ZNF704: variants seen among roughly 807,000 people sequenced by gnomAD.
ZNF704 encodes zinc finger protein 704, also known as glucocorticoid induced gene 1.
Under a neutral mutation model 44.7 loss-of-function variants are expected in ZNF704, and 10 were observed. The observed-to-expected ratio is 0.22, with a 90% confidence interval of 0.14 to 0.38. The LOEUF is 0.38. Among genes scored for constraint, ZNF704 ranks in the 10% least tolerant of loss-of-function variants. The pLI is 1.00. For synonymous variants in ZNF704, 211 were observed against 207.6 expected (o/e 1.02, Z -0.14); for missense variants, 390 against 545.5 (o/e 0.71, Z 2.84).
chr8:80,694,320 T>C (rs1818690431), intron 2 of ZNF704: 1 of 152,198 alleles, frequency 6.6e-6, no homozygotes, highest in African/African-American at 2.4e-5. Context: ...TGAATAAAGG[T>C]TCATAAGATT....
chr8:80,852,350 T>C (rs1165884272), intron 1 of ZNF704, among the ~76,000 whole-genome samples: 5 of 152,222 alleles, frequency 3.3e-5, no homozygotes, highest in Admixed American at 1.3e-4. Context: ...TATTAGTATA[T>C]ACATGCCACA....
intron 2 of ZNF704, among the ~76,000 whole-genome samples, chr8:80,778,249 A>T (rs938202406): frequency 1.3e-5 from 2 of 152,174 alleles, no homozygotes; most frequent in South Asian, 2.1e-4. Flanking sequence ...TAAGCATATT[A>T]AAAAAAAGCT....
At chr8:80,727,070 A>C (rs771545262) in intron 2 of ZNF704, among the ~76,000 whole-genome samples, 1 of 152,188 alleles carries the variant, frequency 6.6e-6, no homozygotes, top group Non-Finnish European at 1.5e-5. Context: ...GAGCAGCAAC[A>C]CAATTCCATC....
intron 4 of ZNF704, among the ~76,000 whole-genome samples, chr8:80,681,543 G>C (rs2131626029): frequency 6.6e-6 from 1 of 152,256 alleles, no homozygotes; most frequent in South Asian, 2.1e-4. Flanking sequence ...CTTGGTTAGA[G>C]TGGTGGTTAC....
chr8:80,685,790 A>G (rs1029137521), intron 4 of ZNF704, among the ~76,000 whole-genome samples: 3 of 152,194 alleles, frequency 2.0e-5, no homozygotes, highest in African/African-American at 4.8e-5. Context: ...CCACTGTTAC[A>G]CATGTGGAAT....
chr8:80,659,476 C>A, intron 7 of ZNF704, 109 bp downstream of exon 7: 1 of 856,308 alleles, frequency 1.2e-6, no homozygotes, highest in South Asian at 1.4e-5. Flanking sequence ...TATAGTACTT[C>A]TGGCATTCTG....
intron 1 of ZNF704, among the ~76,000 whole-genome samples, chr8:80,828,792 A>C (rs1808421604): frequency 6.6e-6 from 1 of 152,214 alleles, no homozygotes; most frequent in African/African-American, 2.4e-5. Flanking sequence ...ACTAAAGGAA[A>C]ACTGAAATAC....
intron 2 of ZNF704, among the ~76,000 whole-genome samples, chr8:80,790,360 A>AAGATG (rs1301183935): frequency 6.6e-6 from 1 of 152,110 alleles, no homozygotes; most frequent in Non-Finnish European, 1.5e-5. Flanking sequence ...GGAGAGAAGG[A>AAGATG]AGATGAGTGT....
intron 7 of ZNF704, among the ~76,000 whole-genome samples, chr8:80,657,693 GAA>G (rs796181687): frequency 0.057 from 4,499 of 78,278 alleles, 255 homozygotes; most frequent in African/African-American, 0.15. Flanking sequence ...CCTGTTTCAA[GAA>G]AAAAAAAAAA....
chr8:80,839,820 GC>G (rs1808646172), intron 1 of ZNF704, among the ~76,000 whole-genome samples: 1 of 151,970 alleles, frequency 6.6e-6, no homozygotes, highest in Non-Finnish European at 1.5e-5. Context: ...TGGGCTCTGG[GC>G]TGCTAAGCCA....
intron 2 of ZNF704, among the ~76,000 whole-genome samples, chr8:80,817,750 T>A (rs2129865757): frequency 6.6e-6 from 1 of 152,196 alleles, no homozygotes; most frequent in East Asian, 1.9e-4. Context: ...ATTGTCCCTA[T>A]CTTGAAAAAG....
Position 80,687,476 on chromosome 8 carries a change from C to T in ZNF704, c.326-18G>A, listed in dbSNP as rs770346618. ...GAGGCTCTCTGCATGCACACAAACA[C>T]AGTCAGTGCCAGGACCCCTGCGTGC... is the stretch of plus-strand genomic sequence containing the variant. On this transcript the variant is annotated intron_variant, in intron 3 of 8. Transcript: ENST00000327835. 2.0e-6 allele frequency: 3 copies of T among 1,498,106 alleles called. No homozygotes were observed. Among genetic ancestry groups the T allele is most frequent in the African/African-American group, 1.4e-5 (1 of 72,220 alleles). 92.8% of individuals were successfully genotyped at this position (1,498,106 alleles called of 1,614,324 possible).
At chr8:80,861,842 C>T (rs540558163) in intron 1 of ZNF704, among the ~76,000 whole-genome samples, 2 of 151,838 alleles carry the variant, frequency 1.3e-5, no homozygotes, top group Non-Finnish European at 2.9e-5. Flanking sequence ...TCAAACTTAA[C>T]ATGTTTAAGA....
intron 1 of ZNF704, among the ~76,000 whole-genome samples, chr8:80,862,597 C>CAAAAAAAAAAA (rs10523461): frequency 1.0e-5 from 1 of 100,102 alleles, no homozygotes; most frequent in Non-Finnish European, 2.0e-5. Flanking sequence ...TTGTCTCTAC[C>CAAAAAAAAAAA]AAAAAAAAAA....
rs1817660194 is a variant in ZNF704, at chr8:80,636,115, A to G, written c.*5251T>C. On this transcript the variant is annotated 3_prime_UTR_variant, in exon 9 of 9. Coordinates refer to ENST00000327835, the MANE Select transcript of ZNF704 (RefSeq NM_001033723.3). ...AAGTAGAGTACTGACGCTTATTACCAAAGTGTCATGTCTCTTAGAACTGTA... is the reference window on the plus strand; with the variant it reads ...AAGTAGAGTACTGACGCTTATTACCGAAGTGTCATGTCTCTTAGAACTGTA... The G allele has an allele frequency of 6.6e-6, 1 of 152,234 alleles. No homozygotes were observed. Among genetic ancestry groups the G allele is most frequent in the African/African-American group, 2.4e-5 (1 of 41,466 alleles). 9.4% of individuals were successfully genotyped at this position (152,234 alleles called of 1,614,324 possible).
At chr8:80,774,669 G>A (rs1260967033) in intron 2 of ZNF704, among the ~76,000 whole-genome samples, 1 of 152,136 alleles carries the variant, frequency 6.6e-6, no homozygotes, top group African/African-American at 2.4e-5. Flanking sequence ...CACCTCCTTA[G>A]GGCTTCATAG....
Position 80,638,678 on chromosome 8 carries a change from T to C in ZNF704, c.*2688A>G, listed in dbSNP as rs1817697420. 6.6e-6 allele frequency: 1 copy of C among 152,292 alleles called. No homozygotes were observed. Among genetic ancestry groups the C allele is most frequent in the South Asian group, 2.1e-4 (1 of 4,830 alleles). The allele number at this position is 152,292 out of a possible 1,614,324, so 9.4% of individuals were successfully genotyped here. ...GGCCTGTAAGGAGTATAATCCCTTT[T>C]CTTCAAGACCAGCCACCTGTGGCTT... is the stretch of plus-strand genomic sequence containing the variant. On this transcript the variant is annotated 3_prime_UTR_variant, in exon 9 of 9. Coordinates refer to ENST00000327835, the MANE Select transcript of ZNF704 (RefSeq NM_001033723.3).
intron 1 of ZNF704, 52 bp from the exon 2 acceptor site, chr8:80,821,667 C>A: frequency 7.2e-7 from 1 of 1,382,112 alleles, no homozygotes; most frequent in Non-Finnish European, 1.0e-6. Context: ...CACCTTTGTA[C>A]GACTACTGCA....
intron 2 of ZNF704, among the ~76,000 whole-genome samples, chr8:80,733,252 T>C (rs1489167250): frequency 6.6e-6 from 1 of 152,208 alleles, no homozygotes; most frequent in South Asian, 2.1e-4. Flanking sequence ...AGTAAATGTG[T>C]TATGTGGAGC....
Sources: allele counts gnomAD v4.1 joint callset (sites outside exome capture counted in the v4.1 genomes callset), GRCh38; gene constraint gnomAD v4.1.1; transcripts MANE v1.5; gene names NCBI Gene and HGNC (gene_info 2026-07-23, HGNC 2026-07-21).